The following CTNNA2 variants were observed in gnomAD, a reference collection of about 807,000 sequenced individuals.
The protein encoded by CTNNA2 is catenin alpha 2.
CTNNA2 carries 42 observed loss-of-function variants against 101.0 expected under a neutral mutation model. The observed-to-expected ratio is 0.42, with a 90% CI of 0.32 to 0.54. The LOEUF is 0.54. Ranked by LOEUF, CTNNA2 falls within the 20% of genes least tolerant of loss-of-function variation. The pLI, the probability that CTNNA2 is intolerant of heterozygous loss-of-function variation, is 0.14. For missense variants in CTNNA2, 871 were observed against 1,223.1 expected (o/e 0.71, Z 4.29); for synonymous variants, 450 against 456.4 (o/e 0.99, Z 0.18).
intron 8 of CTNNA2, among the ~76,000 whole-genome samples, chr2:80,411,039 A>G (rs1036194035): frequency 6.6e-6 from 1 of 152,220 alleles, no homozygotes; most frequent in Non-Finnish European, 1.5e-5. Flanking sequence ...ATGGATTTCC[A>G]TATAAACCAT....
At chr2:79,570,625 GA>G (rs1296419192) in intron 1 of CTNNA2, among the ~76,000 whole-genome samples, 1 of 152,048 alleles carries the variant, frequency 6.6e-6, no homozygotes, top group Non-Finnish European at 1.5e-5. Context: ...AAAAAGATGA[GA>G]AACTCATTTT....
intron 7 of CTNNA2, among the ~76,000 whole-genome samples, chr2:80,109,686 T>C (rs61032284): frequency 0.052 from 7,904 of 152,216 alleles, 693 homozygotes; most frequent in African/African-American, 0.18. Flanking sequence ...CTCTGATCTG[T>C]ATGTCAAGTT....
At chr2:79,341,381 G>A (rs1444643421) in intron 3 of CTNNA2, among the ~76,000 whole-genome samples, 1 of 152,120 alleles carries the variant, frequency 6.6e-6, no homozygotes, top group African/African-American at 2.4e-5. Context: ...GATAGGACCA[G>A]TCTCTGAACT....
chr2:80,476,183 C>T (rs889230772), intron 9 of CTNNA2, among the ~76,000 whole-genome samples: 2 of 152,096 alleles, frequency 1.3e-5, no homozygotes, highest in African/African-American at 4.8e-5. Flanking sequence ...TCTGATTCAC[C>T]CCCAAGGAGG....
chr2:79,911,341 T>A lies in CTNNA2; in HGVS notation c.1056+1544T>A, dbSNP rs1685782265. Among the ~76,000 whole-genome samples the A allele has an allele frequency of 1.1e-4, 16 of 152,378 alleles. No individual in the cohort carries two copies. In the South Asian group the frequency reaches 3.3e-3, roughly 32 times the overall value. ...CGCTAGTGGTTCTATTAATGAATAG[T>A]TACTGCCAAAGAAGGAAGTAGAAAC... is the stretch of plus-strand genomic sequence containing the variant. On this transcript the variant is annotated intron_variant, in intron 7 of 18. Coordinates refer to ENST00000402739, the MANE Select transcript of CTNNA2 (RefSeq NM_001282597.3).
At chr2:80,142,909 C>A (rs542584580) in intron 7 of CTNNA2, among the ~76,000 whole-genome samples, 11 of 149,356 alleles carry the variant, frequency 7.4e-5, no homozygotes, top group Middle Eastern at 3.4e-3. Flanking sequence ...GATTAACTAC[C>A]GTTGACAATG....
At chr2:80,494,586 G>A (rs1687301885) in intron 9 of CTNNA2, among the ~76,000 whole-genome samples, 1 of 142,596 alleles carries the variant, frequency 7.0e-6, no homozygotes, top group African/African-American at 2.6e-5. Context: ...AGTTAGGAGT[G>A]CTATTTTCAA....
At chr2:80,502,053 A>G (rs546306443) in intron 9 of CTNNA2, among the ~76,000 whole-genome samples, 1 of 152,324 alleles carries the variant, frequency 6.6e-6, no homozygotes, top group East Asian at 1.9e-4. Context: ...GTGGAGTCAG[A>G]GAGGCCTAGG....
At chr2:79,234,234 A>G (rs530843792) in intron 2 of CTNNA2, among the ~76,000 whole-genome samples, 1 of 151,966 alleles carries the variant, frequency 6.6e-6, no homozygotes, top group East Asian at 1.9e-4. Context: ...TGGTCTGTTA[A>G]TAACATATCC....
intron 4 of CTNNA2, among the ~76,000 whole-genome samples, chr2:79,409,293 C>T (rs1678379724): frequency 6.6e-6 from 1 of 152,074 alleles, no homozygotes; most frequent in Non-Finnish European, 1.5e-5. Context: ...TGCAGAAGCA[C>T]TTTAGTTTAA....
At chr2:79,839,203 G>A (rs944303142) in intron 3 of CTNNA2, among the ~76,000 whole-genome samples, 5 of 151,912 alleles carry the variant, frequency 3.3e-5, no homozygotes, top group Admixed American at 1.3e-4. Flanking sequence ...TAAAATTAAA[G>A]TTTGCCAATT....
At chr2:79,884,876 G>C (rs572851737) in intron 6 of CTNNA2, among the ~76,000 whole-genome samples, 3 of 151,984 alleles carry the variant, frequency 2.0e-5, no homozygotes, top group Admixed American at 2.0e-4. Flanking sequence ...ACTGGTGCAC[G>C]GAAAAATAAT....
chr2:80,115,811 G>A (rs1701480788), intron 7 of CTNNA2, among the ~76,000 whole-genome samples: 1 of 152,072 alleles, frequency 6.6e-6, no homozygotes, highest in Non-Finnish European at 1.5e-5. Flanking sequence ...AAAAAGATGA[G>A]GGCAATTATA....
chr2:79,323,734 A>G (rs1458691825), intron 3 of CTNNA2, among the ~76,000 whole-genome samples: 1 of 152,158 alleles, frequency 6.6e-6, no homozygotes, highest in Non-Finnish European at 1.5e-5. Context: ...ATTTTGTCTG[A>G]TGATGTTCCT....
intron 17 of CTNNA2, among the ~76,000 whole-genome samples, chr2:80,616,128 G>A (rs1377718918): frequency 6.6e-6 from 1 of 151,590 alleles, no homozygotes; most frequent in Non-Finnish European, 1.5e-5. Flanking sequence ...CTGTCAAATC[G>A]GAACAACCTG....
chr2:80,072,552 A>G (rs1038787846), intron 7 of CTNNA2, among the ~76,000 whole-genome samples: 1 of 152,208 alleles, frequency 6.6e-6, no homozygotes, highest in South Asian at 2.1e-4. Context: ...GTAAATACAT[A>G]GAGTAACTTC....
chr2:80,002,365 G>A (rs1252148176), intron 7 of CTNNA2, among the ~76,000 whole-genome samples: 3 of 152,204 alleles, frequency 2.0e-5, no homozygotes, highest in Non-Finnish European at 4.4e-5. Context: ...CCTCAGGCAA[G>A]AGGGACTTGG....
intron 2 of CTNNA2, among the ~76,000 whole-genome samples, chr2:79,693,715 A>G (rs1684473351): frequency 6.6e-6 from 1 of 151,880 alleles, no homozygotes; most frequent in African/African-American, 2.4e-5. Flanking sequence ...GTCAGGGGCA[A>G]GTGGTGGGCA....
At chr2:80,341,282 C>G (rs947336444) in intron 7 of CTNNA2, among the ~76,000 whole-genome samples, 1 of 152,088 alleles carries the variant, frequency 6.6e-6, no homozygotes, top group African/African-American at 2.4e-5. Context: ...TGCTTTTAGT[C>G]ATGGTTTGGT....
Sources: gnomAD v4.1 joint callset for allele counts (sites outside exome capture counted in the v4.1 genomes callset) on GRCh38, gnomAD v4.1.1 for gene constraint, MANE v1.5 for transcripts, NCBI Gene and HGNC (gene_info 2026-07-23, HGNC 2026-07-21) for gene names.